CPPED1: variants seen among roughly 807,000 people sequenced by gnomAD.
CPPED1 encodes the protein serine/threonine-protein phosphatase CPPED1.
CPPED1 carries 28 observed loss-of-function variants against 28.0 expected under a neutral mutation model. The observed-to-expected ratio is 1.00, with a 90% CI of 0.74 to 1.37. The LOEUF is 1.37. Ranked by LOEUF, CPPED1 falls within the 40% of genes most tolerant of loss-of-function variation. The pLI is 0.00. For synonymous variants in CPPED1, 198 were observed against 180.2 expected (o/e 1.10, Z -0.79); for missense variants, 504 against 416.5 (o/e 1.21, Z -1.83).
rs1384721607 is a variant in CPPED1, at chr16:12,682,790, T to G, written c.716-17675A>C. Among the ~76,000 whole-genome samples, 1 of 152,092 alleles carries G rather than the reference T, an allele frequency of 6.6e-6. No homozygotes were observed. The highest frequency in any genetic ancestry group is 1.5e-5 in the Non-Finnish European group (1 of 67,904). On this transcript the variant is annotated intron_variant, in intron 3 of 3. Coordinates refer to ENST00000381774, the MANE Select transcript of CPPED1 (RefSeq NM_018340.3). This position sits in a 1 kb window ranked among gnomAD's most constrained non-coding sequence, Gnocchi z 6.1. ...CTTTTCATTTGCACAAATTACATCT[T>G]TCTCACTATTCATAATTTCCTCTTT...
chr16:12,802,189 G>A (rs1412094966), intron 1 of CPPED1, among the ~76,000 whole-genome samples: 1 of 152,146 alleles, frequency 6.6e-6, no homozygotes, highest in African/African-American at 2.4e-5. Flanking sequence ...GCAAAGGGAA[G>A]ATATTCAGCA....
chr16:12,752,535 C>T (rs1025326108), intron 2 of CPPED1, among the ~76,000 whole-genome samples: 4 of 151,200 alleles, frequency 2.6e-5, no homozygotes, highest in African/African-American at 9.7e-5. Flanking sequence ...TTCTGAAAAT[C>T]AGTTAGAAGT....
intron 2 of CPPED1, among the ~76,000 whole-genome samples, chr16:12,749,788 T>C (rs552557821): frequency 1.6e-4 from 24 of 152,142 alleles, no homozygotes; most frequent in Non-Finnish European, 3.1e-4. Context: ...GGGGATTTCA[T>C]CATGTTGACC....
At chr16:12,703,844 C>A (rs1370150574) in intron 3 of CPPED1, among the ~76,000 whole-genome samples, 1 of 152,090 alleles carries the variant, frequency 6.6e-6, no homozygotes, top group East Asian at 1.9e-4. Context: ...GCAGGTGCTA[C>A]CAGAAAGATA....
At chr16:12,706,355 G>A (rs573313011) in intron 2 of CPPED1, among the ~76,000 whole-genome samples, 1 of 150,956 alleles carries the variant, frequency 6.6e-6, no homozygotes, top group East Asian at 2.0e-4. Flanking sequence ...TTTATATTAG[G>A]TTGGTGCAAA....
rs372772880 is a variant in CPPED1 at position 12,781,243 on chromosome 16, C to T, written c.231G>A (p.Lys77=). ...LTEQAVQAIN[K]LNPKPKFFVL... Reference sequence around the variant, plus strand: ...CGAAGAATTTGGGTTTGGGGTTCAGCTTGTTGATGGCCTGGACGGCTTGCT... The same window carrying T: ...CGAAGAATTTGGGTTTGGGGTTCAGTTTGTTGATGGCCTGGACGGCTTGCT... Residue 77 remains lysine, a synonymous_variant, in exon 2 of 4, where the codon AAG becomes AAA. Transcript: ENST00000381774. 4 of 1,614,008 alleles carry T rather than the reference C, an allele frequency of 2.5e-6. No homozygotes were observed. In the African/African-American group the frequency reaches 4.0e-5, roughly 16 times the overall value.
At chr16:12,737,605 C>T (rs1442186287) in intron 2 of CPPED1, among the ~76,000 whole-genome samples, 1 of 152,168 alleles carries the variant, frequency 6.6e-6, no homozygotes, top group Non-Finnish European at 1.5e-5. Context: ...CTTTTATTGG[C>T]CACAATATTT....
At chr16:12,681,477 T>G (rs1317275376) in intron 3 of CPPED1, among the ~76,000 whole-genome samples, 1 of 152,164 alleles carries the variant, frequency 6.6e-6, no homozygotes, top group Non-Finnish European at 1.5e-5. Context: ...GCTCAGGTAT[T>G]CTGTTATAGC....
intron 2 of CPPED1, among the ~76,000 whole-genome samples, chr16:12,754,883 G>A (rs1311598064): frequency 6.6e-6 from 1 of 152,134 alleles, no homozygotes; most frequent in Non-Finnish European, 1.5e-5. Context: ...ATGGTGGTGT[G>A]TACTTGTAGT....
At chr16:12,739,881 T>A (rs893801097) in intron 2 of CPPED1, among the ~76,000 whole-genome samples, 4 of 151,866 alleles carry the variant, frequency 2.6e-5, no homozygotes, top group Admixed American at 6.6e-5. Context: ...AACAGTGAGG[T>A]GATGGCTGGG....
At chr16:12,706,617 A>G (rs2080052495) in intron 2 of CPPED1, among the ~76,000 whole-genome samples, 3 of 149,636 alleles carry the variant, frequency 2.0e-5, no homozygotes, top group African/African-American at 7.4e-5. Flanking sequence ...CTTAAAGAAG[A>G]TTGAGGAAGC....
At chr16:12,665,912 G>A (rs1596435908) in intron 3 of CPPED1, among the ~76,000 whole-genome samples, 3 of 151,934 alleles carry the variant, frequency 2.0e-5, no homozygotes, top group South Asian at 2.1e-4. Context: ...GCAACAGAGC[G>A]AGACTCTGTC....
chr16:12,674,888 G>A (rs907031233), intron 3 of CPPED1, among the ~76,000 whole-genome samples: 6 of 152,152 alleles, frequency 3.9e-5, no homozygotes, highest in African/African-American at 1.4e-4. Flanking sequence ...AGGTCTGGGG[G>A]GGAGCATGGG....
chr16:12,675,621 T>G (rs2079874028), intron 3 of CPPED1, among the ~76,000 whole-genome samples: 1 of 152,238 alleles, frequency 6.6e-6, no homozygotes, highest in South Asian at 2.1e-4. Flanking sequence ...AACACTGGCC[T>G]TCTTTAATGC....
chr16:12,680,449 A>G (rs2079898920), intron 3 of CPPED1, among the ~76,000 whole-genome samples: 1 of 152,166 alleles, frequency 6.6e-6, no homozygotes, highest in Admixed American at 6.5e-5. Context: ...GTATCTTAAT[A>G]ATAAAAATAC....
chr16:12,729,076 T>G (rs78245893), intron 2 of CPPED1, among the ~76,000 whole-genome samples: 4,040 of 152,210 alleles, frequency 0.027, 72 homozygotes, highest in East Asian at 0.1. Flanking sequence ...GATCTGCCTG[T>G]CACCATCTCT....
At chr16:12,764,143 T>A (rs1055602857) in intron 2 of CPPED1, among the ~76,000 whole-genome samples, 1 of 151,890 alleles carries the variant, frequency 6.6e-6, no homozygotes, top group African/African-American at 2.4e-5. Flanking sequence ...GAGAAGCAGG[T>A]CAATGGTGAC....
intron 2 of CPPED1, among the ~76,000 whole-genome samples, chr16:12,725,397 A>G (rs1596461254): frequency 6.6e-6 from 1 of 152,180 alleles, no homozygotes; most frequent in African/African-American, 2.4e-5. Flanking sequence ...CCCAGCCAAC[A>G]TGATTCTTGA....
chr16:12,717,639 T>C (rs1244531371), intron 2 of CPPED1, among the ~76,000 whole-genome samples: 1 of 151,948 alleles, frequency 6.6e-6, no homozygotes, highest in Non-Finnish European at 1.5e-5. Flanking sequence ...CACACACACA[T>C]AATAATAATT....
Sources: gnomAD v4.1 joint callset for allele counts (sites outside exome capture counted in the v4.1 genomes callset) on GRCh38, gnomAD v4.1.1 for gene constraint, Gnocchi (gnomAD v3.1) non-coding constraint, MANE v1.5 for transcripts, NCBI Gene and HGNC (gene_info 2026-07-23, HGNC 2026-07-21) for gene names.